Variants in ADRA1A observed in about 807,000 individuals in gnomAD.
ADRA1A encodes the protein adrenoceptor alpha 1A, also known as alpha-1A adrenergic receptor.
In ADRA1A, 31 loss-of-function variants were observed where a neutral mutation model predicts 29.6. That is an observed-to-expected ratio of 1.05 (90% CI 0.79 to 1.41). The LOEUF (loss-of-function observed/expected upper bound fraction) is 1.41. Among genes scored for constraint, ADRA1A ranks in the 40% most tolerant of loss-of-function variants. ADRA1A has a pLI of 0.00. For missense variants in ADRA1A, 619 were observed against 601.1 expected, an observed-to-expected ratio of 1.03 and a Z score of -0.31; for synonymous variants, 311 against 254.3, an observed-to-expected ratio of 1.22 and a Z score of -2.12.
At chr8:26,792,991 A>G (rs1807941844) in intron 2 of ADRA1A, among the ~76,000 whole-genome samples, 1 of 151,966 alleles carries the variant, frequency 6.6e-6, no homozygotes, top group Non-Finnish European at 1.5e-5. Flanking sequence ...CACAAAAGAC[A>G]TGGTTACAAA....
At chr8:26,750,971 A>T (rs553825302) in intron 2 of ADRA1A, among the ~76,000 whole-genome samples, 1 of 151,876 alleles carries the variant, frequency 6.6e-6, no homozygotes, top group South Asian at 2.1e-4. Flanking sequence ...CCGGAGGTTG[A>T]GGCAGGAGAA....
At chr8:26,803,857 G>T (rs62492224) in intron 2 of ADRA1A, among the ~76,000 whole-genome samples, 1 of 150,648 alleles carries the variant, frequency 6.6e-6, no homozygotes, top group Non-Finnish European at 1.5e-5. Context: ...AATGAAAAGC[G>T]TAATGAGATA....
chr8:26,782,981 G>A lies in ADRA1A; in HGVS notation c.884-12315C>T, dbSNP rs529815290. ...CATCCAATCACCCAGCCCTGACTAC[G>A]AAACCTGTATTCACTTGTTATTGTC... is the stretch of plus-strand genomic sequence containing the variant. On this transcript the variant is annotated intron_variant, in intron 2 of 2. Coordinates refer to ENST00000380573, the MANE Select transcript of ADRA1A (RefSeq NM_000680.4). Among the ~76,000 whole-genome samples, 275 of 152,186 alleles carry A rather than the reference G, an allele frequency of 1.8e-3. 1 individual carries two copies. Among genetic ancestry groups the A allele is most frequent in the African/African-American group, 5.8e-3 (239 of 41,534 alleles).
Position 26,756,500 on chromosome 8 carries a change from C to A in ADRA1A, c.*259G>T, listed in dbSNP as rs779237774. 1.2e-5 allele frequency: 18 copies of A among 1,518,046 alleles called. No homozygotes were observed. The Middle Eastern group carries it at 6.9e-4, about 58-fold the overall frequency. The allele number at this position is 1,518,046 out of a possible 1,614,324, so 94.0% of individuals were successfully genotyped here. A position where few individuals can be genotyped will look rare whatever the true frequency, so the allele number is the denominator to read the frequency against. On this transcript the variant is annotated 3_prime_UTR_variant, in exon 3 of 3. Transcript: ENST00000380582. ...TTACAAAAAATCGAGCTATTTGTCC[C>A]TGAAGGCTCTTTTCCTCTTTCCCTT...
intron 2 of ADRA1A, among the ~76,000 whole-genome samples, chr8:26,838,079 G>C (rs926986539): frequency 2.6e-5 from 4 of 152,146 alleles, no homozygotes; most frequent in Admixed American, 2.6e-4. Context: ...GCAAAGTTAA[G>C]CCAAGTAGTT....
chr8:26,837,788 C>A (rs899372113), intron 2 of ADRA1A, among the ~76,000 whole-genome samples: 2 of 151,068 alleles, frequency 1.3e-5, no homozygotes, highest in Non-Finnish European at 3.0e-5. Context: ...TATTCTGACA[C>A]ACACCTGAGT....
chr8:26,862,079 G>A (rs1055794969), intron 2 of ADRA1A, among the ~76,000 whole-genome samples: 3 of 152,166 alleles, frequency 2.0e-5, no homozygotes, highest in African/African-American at 7.2e-5. Flanking sequence ...ACTTTGGCCT[G>A]AAAGACCCCA....
chr8:26,765,012 G>A (rs1327388957), downstream of ADRA1A, among the ~76,000 whole-genome samples: 1 of 152,200 alleles, frequency 6.6e-6, no homozygotes, highest in African/African-American at 2.4e-5. Flanking sequence ...CACACGAAAA[G>A]GAAAGGCAAT....
In ADRA1A at chr8:26,864,783, A is replaced by T; in HGVS notation, c.187T>A (p.Tyr63Asn). 6.2e-7 allele frequency: 1 copy of T among 1,614,118 alleles called. No individual in the cohort carries two copies. The highest frequency in any genetic ancestry group is 8.5e-7 in the Non-Finnish European group (1 of 1,180,014). The change falls in exon 2 of 3, where the codon TAC (tyrosine) becomes AAC (asparagine). Residue 63 changes from tyrosine (Y) to asparagine (N), a missense_variant. Coordinates refer to ENST00000380573, the MANE Select transcript of ADRA1A (RefSeq NM_000680.4). The surrounding 1 kb of genome is among the most constrained non-coding windows in gnomAD (Gnocchi z 8.1). Reference protein sequence around the residue: ...CHRHLHSVTHYYIVNLAVADL... With the variant: ...CHRHLHSVTHNYIVNLAVADL... Reference sequence around the variant, plus strand: ...GCCACCGCCAGGTTGACGATGTAGTAGTGCGTGACTGAGTGCAGGTGTCGG... The same window carrying T: ...GCCACCGCCAGGTTGACGATGTAGTTGTGCGTGACTGAGTGCAGGTGTCGG...
intron 2 of ADRA1A, among the ~76,000 whole-genome samples, chr8:26,819,408 A>T (rs952434947): frequency 6.6e-6 from 1 of 152,134 alleles, no homozygotes; most frequent in South Asian, 2.1e-4. Context: ...ATACAAAAGT[A>T]TTAAAATATA....
rs1417182701 is a variant in ADRA1A at position 26,796,992 on chromosome 8, G to A, written c.884-26326C>T. On this transcript the variant is annotated intron_variant, in intron 2 of 2. Transcript: ENST00000380573. This position sits in a 1 kb window ranked among gnomAD's most constrained non-coding sequence, Gnocchi z 5.0. ...AGTTCTCTCAGCGTTCTCCTCCAAA[G>A]GGTCTGCAAGGTGAACAATATGTTC... Among the ~76,000 whole-genome samples, 3 of 152,148 alleles carry A rather than the reference G, an allele frequency of 2.0e-5. No homozygotes were observed. Among genetic ancestry groups the A allele is most frequent in the Admixed American group, 2.0e-4 (3 of 15,272 alleles).
At chr8:26,809,492 A>G (rs973007835) in intron 2 of ADRA1A, among the ~76,000 whole-genome samples, 6 of 152,210 alleles carry the variant, frequency 3.9e-5, no homozygotes, top group Non-Finnish European at 8.8e-5. Flanking sequence ...TGCACATTCT[A>G]TTTCCCAGTG....
intron 2 of ADRA1A, chr8:26,859,129 T>C: frequency 7.8e-7 from 1 of 1,289,792 alleles, no homozygotes; most frequent in African/African-American, 1.5e-5. Flanking sequence ...TTTTAATCTC[T>C]TTCCTCTCCC....
intron 2 of ADRA1A, among the ~76,000 whole-genome samples, chr8:26,820,373 T>A (rs978593833): frequency 2.6e-5 from 4 of 152,178 alleles, no homozygotes; most frequent in Non-Finnish European, 5.9e-5. Flanking sequence ...TTAAGAAAAT[T>A]GAAATCATAT....
chr8:26,820,935 G>C (rs1341662475), intron 2 of ADRA1A, among the ~76,000 whole-genome samples: 1 of 152,052 alleles, frequency 6.6e-6, no homozygotes, highest in Admixed American at 6.5e-5. Context: ...TGTCGCCCAG[G>C]CTGGAGAGCA....
In ADRA1A at chr8:26,860,524, C is replaced by T. The variant is rs969506542; in HGVS notation, c.883+3563G>A. The stretch of plus-strand genomic sequence containing the variant: ...AATCTCAGATAGGCCTTCAGGACTT[C>T]CCAGTGACTCTACCAAACTTCCATA... On this transcript the variant is annotated intron_variant, in intron 2 of 2. Transcript: ENST00000380573. This position sits in a 1 kb window ranked among gnomAD's most constrained non-coding sequence, Gnocchi z 4.7. 3.9e-5 allele frequency among the ~76,000 whole-genome samples: 6 copies of T among 152,146 alleles called. No homozygotes were observed. The highest frequency in any genetic ancestry group is 2.0e-4 in the Admixed American group (3 of 15,272).
chr8:26,767,482 A>G (rs1370417350), downstream of ADRA1A, among the ~76,000 whole-genome samples: 1 of 152,194 alleles, frequency 6.6e-6, no homozygotes, highest in Admixed American at 6.5e-5. Flanking sequence ...GTATCATGCT[A>G]TGGGAAAGGA....
intron 2 of ADRA1A, 139 bp from the exon 3 acceptor site, chr8:26,770,805 G>T: frequency 2.4e-6 from 3 of 1,245,466 alleles, no homozygotes; most frequent in Non-Finnish European, 3.2e-6. Flanking sequence ...TCTCACATTT[G>T]ACTGACTAGC....
chr8:26,784,604 C>G (rs190895581), intron 2 of ADRA1A, among the ~76,000 whole-genome samples: 84 of 152,284 alleles, frequency 5.5e-4, no homozygotes, highest in Non-Finnish European at 1.0e-3. Context: ...TAATGAGACT[C>G]ACTATTGTTG....
Sources: gnomAD v4.1 joint callset for allele counts (sites outside exome capture counted in the v4.1 genomes callset) on GRCh38, gnomAD v4.1.1 for gene constraint, Gnocchi (gnomAD v3.1) non-coding constraint, MANE v1.5 for transcripts, NCBI Gene and HGNC (gene_info 2026-07-23, HGNC 2026-07-21) for gene names.